The following ROBO2 variants were observed in gnomAD, a reference collection of about 807,000 sequenced individuals.
The protein encoded by ROBO2 is roundabout homolog 2.
In ROBO2, 53 loss-of-function variants were observed where a neutral mutation model predicts 160.8. The observed-to-expected ratio is 0.33, with a 90% CI of 0.26 to 0.41. The LOEUF is 0.41. ROBO2 is among the 10% of genes least tolerant of loss of function. The probability of loss-of-function intolerance (pLI) is 1.00; values close to 1 mark genes in which losing one functional copy is unlikely to be tolerated. For missense variants in ROBO2, 1,577 were observed against 1,722.4 expected, an observed-to-expected ratio of 0.92 and a Z score of 1.49; for synonymous variants, 664 against 611.7, an observed-to-expected ratio of 1.09 and a Z score of -1.26.
chr3:76,421,127 T>C (rs1438720547), intron 2 of ROBO2, among the ~76,000 whole-genome samples: 1 of 152,194 alleles, frequency 6.6e-6, no homozygotes. Context: ...GAATAAATAT[T>C]AAATTTAATA....
intron 2 of ROBO2, among the ~76,000 whole-genome samples, chr3:76,737,199 T>C (rs1271056882): frequency 1.3e-5 from 2 of 152,240 alleles, no homozygotes; most frequent in African/African-American, 4.8e-5. Flanking sequence ...AACTTTTGTA[T>C]GAAGTTTTAT....
chr3:77,186,953 G>C (rs1286615236), intron 2 of ROBO2, among the ~76,000 whole-genome samples: 2 of 151,918 alleles, frequency 1.3e-5, no homozygotes, highest in Non-Finnish European at 2.9e-5. Context: ...ACTCACACTT[G>C]CGGTATTCAA....
chr3:76,812,116 A>G lies in ROBO2; in HGVS notation c.110-285898A>G, dbSNP rs539695066. 3.6e-3 allele frequency among the ~76,000 whole-genome samples: 546 copies of G among 151,532 alleles called. 2 individuals are homozygous for G. Among genetic ancestry groups the G allele is most frequent in the Non-Finnish European group, 4.8e-3 (325 of 67,860 alleles). On this transcript the variant is annotated intron_variant, in intron 2 of 26. Coordinates refer to the ROBO2 transcript ENST00000487694. ...TCTTGATCTCTGGACCTCATGATCC[A>G]CTTGCCTCAGCCTCCCAAAGTGCTA...
chr3:76,051,536 G>A (rs982527568), intron 2 of ROBO2, among the ~76,000 whole-genome samples: 1 of 152,062 alleles, frequency 6.6e-6, no homozygotes, highest in African/African-American at 2.4e-5. Flanking sequence ...ATTATTTTTT[G>A]TGGCTTGCAG....
chr3:75,963,952 T>G (rs1261636326), intron 2 of ROBO2, among the ~76,000 whole-genome samples: 1 of 151,924 alleles, frequency 6.6e-6, no homozygotes, highest in East Asian at 2.0e-4. Flanking sequence ...AATTCTTATT[T>G]AAATCATCCG....
At chr3:76,006,218 A>T (rs1419555330) in intron 2 of ROBO2, among the ~76,000 whole-genome samples, 1 of 152,122 alleles carries the variant, frequency 6.6e-6, no homozygotes, top group African/African-American at 2.4e-5. Flanking sequence ...GGGTAGAATA[A>T]ACTTTGTACT....
At chr3:76,700,111 C>T (rs1432120908) in intron 2 of ROBO2, among the ~76,000 whole-genome samples, 2 of 152,108 alleles carry the variant, frequency 1.3e-5, no homozygotes, top group Non-Finnish European at 2.9e-5. Context: ...CAAACAGATG[C>T]CACAATCCTC....
chr3:77,574,330 T>A (rs1559643064), intron 13 of ROBO2, among the ~76,000 whole-genome samples, 169 bp from the exon 15 acceptor site: 1 of 152,048 alleles, frequency 6.6e-6, no homozygotes, highest in Non-Finnish European at 1.5e-5. Context: ...CAATCTGAAC[T>A]CTAAAAGGAT....
intron 1 of ROBO2, among the ~76,000 whole-genome samples, chr3:77,070,136 T>G (rs2067255262): frequency 6.6e-6 from 1 of 152,096 alleles, no homozygotes; most frequent in Non-Finnish European, 1.5e-5. Context: ...CCCCAGAAGC[T>G]GGGAGGAGTG....
intron 2 of ROBO2, among the ~76,000 whole-genome samples, chr3:76,154,747 A>C (rs2072339039): frequency 6.6e-6 from 1 of 152,206 alleles, no homozygotes; most frequent in Non-Finnish European, 1.5e-5. Flanking sequence ...CATTCTGGAA[A>C]TATTATGATG....
chr3:76,802,483 C>CT (rs1206037208), intron 2 of ROBO2, among the ~76,000 whole-genome samples: 1 of 152,052 alleles, frequency 6.6e-6, no homozygotes, highest in Non-Finnish European at 1.5e-5. Context: ...GATCCCAGCA[C>CT]TTTGGGAGGC....
At chr3:76,718,413 T>C (rs2093415473) in intron 2 of ROBO2, among the ~76,000 whole-genome samples, 2 of 152,228 alleles carry the variant, frequency 1.3e-5, no homozygotes, top group South Asian at 4.1e-4. Context: ...AAACCATAGT[T>C]TCATCAAATT....
intron 2 of ROBO2, among the ~76,000 whole-genome samples, chr3:76,835,925 G>C (rs2067652365): frequency 6.6e-6 from 1 of 151,920 alleles, no homozygotes; most frequent in Non-Finnish European, 1.5e-5. Context: ...AGACAATTTG[G>C]ATTCTTGAAT....
intron 2 of ROBO2, among the ~76,000 whole-genome samples, chr3:76,343,546 CG>C (rs2074354618): frequency 6.6e-6 from 1 of 151,220 alleles, no homozygotes; most frequent in South Asian, 2.1e-4. Context: ...TTAGTGCAAA[CG>C]TAACTGCGGT....
Position 75,981,983 on chromosome 3 carries a change from T to C in ROBO2, c.109+44381T>C, listed in dbSNP as rs368141032. 5.8e-4 allele frequency among the ~76,000 whole-genome samples: 88 copies of C among 151,576 alleles called. No homozygotes were observed. In the South Asian group the frequency reaches 0.017, roughly 29 times the overall value. Reference sequence around the variant, plus strand: ...TTTCTATGTCCATGTATTCAATTGTTTTGATTTTTAGATCCCACAAATAAT... The same window carrying C: ...TTTCTATGTCCATGTATTCAATTGTCTTGATTTTTAGATCCCACAAATAAT... On this transcript the variant is annotated intron_variant, in intron 2 of 26. Transcript: ENST00000487694.
At chr3:77,240,051 C>T (rs947321078) in intron 2 of ROBO2, among the ~76,000 whole-genome samples, 3 of 152,194 alleles carry the variant, frequency 2.0e-5, no homozygotes, top group African/African-American at 4.8e-5. Context: ...CATGCCAGGG[C>T]CATAGGCGGA....
chr3:77,357,847 T>C, intron 2 of ROBO2, among the ~76,000 whole-genome samples: 1 of 151,960 alleles, frequency 6.6e-6, no homozygotes, highest in East Asian at 1.9e-4. Context: ...AGAAAAAAGG[T>C]TTGGGCTAAA....
At chr3:77,486,619 T>G (rs1398067331) in intron 4 of ROBO2, among the ~76,000 whole-genome samples, 4 of 152,180 alleles carry the variant, frequency 2.6e-5, no homozygotes, top group African/African-American at 9.7e-5. Flanking sequence ...GGTTGTTTGT[T>G]TTTTCTTGTA....
chr3:77,171,995 A>G (rs1020452260), intron 2 of ROBO2, among the ~76,000 whole-genome samples: 1 of 152,198 alleles, frequency 6.6e-6, no homozygotes, highest in Non-Finnish European at 1.5e-5. Flanking sequence ...TATTTAATTA[A>G]TCATGTTTAG....
Sources: allele counts gnomAD v4.1 joint callset (sites outside exome capture counted in the v4.1 genomes callset), GRCh38; gene constraint gnomAD v4.1.1; transcripts MANE v1.5; gene names NCBI Gene and HGNC (gene_info 2026-07-23, HGNC 2026-07-21).